Variants in PINX1 observed in about 807,000 individuals in gnomAD.
The protein encoded by PINX1 is PIN2 (TERF1) interacting telomerase inhibitor 1.
PINX1 carries 34 observed loss-of-function variants against 25.4 expected under a neutral mutation model. The ratio of observed to expected loss-of-function variants is 1.34; its 90% confidence interval spans 1.02 to 1.78. PINX1 has a LOEUF of 1.78. Ranked by LOEUF, PINX1 falls within the 40% of genes most tolerant of loss-of-function variation. The pLI is 0.00. For synonymous variants in PINX1, 197 were observed against 147.7 expected, an observed-to-expected ratio of 1.33 and a Z score of -2.42; for missense variants, 592 against 404.9, an observed-to-expected ratio of 1.46 and a Z score of -3.97.
At chr8:10,791,590 GC>G (rs1473071881) in intron 6 of PINX1, among the ~76,000 whole-genome samples, 16 of 152,164 alleles carry the variant, frequency 1.1e-4, no homozygotes, top group African/African-American at 3.9e-4. Context: ...TAGAATTTAG[GC>G]TTCAGTGCAA....
chr8:10,833,952 G>C (rs1423367829), intron 2 of PINX1, among the ~76,000 whole-genome samples: 2 of 152,164 alleles, frequency 1.3e-5, no homozygotes, highest in Non-Finnish European at 2.9e-5. Flanking sequence ...TACTCAAGTG[G>C]AAATATCAAG....
chr8:10,766,440 C>A (rs1466226552), intron 6 of PINX1, among the ~76,000 whole-genome samples: 2 of 152,214 alleles, frequency 1.3e-5, no homozygotes, highest in East Asian at 1.9e-4. Flanking sequence ...CCGCATTCCA[C>A]CCTGGAACCT....
intron 5 of PINX1, chr8:10,821,852 G>A (rs546301616): frequency 6.6e-6 from 1 of 152,308 alleles, no homozygotes; most frequent in African/African-American, 2.4e-5. Flanking sequence ...TTGACTAAAA[G>A]GAATGCTGGA....
rs563563223 is a variant in PINX1, at chr8:10,795,470, G to A, written c.471+24723C>T. ...GGCTGGAGTGCGGTGGCGCGATCTC[G>A]GCTCAGTGCAATCTCCGCCTCCCGG... On this transcript the variant is annotated intron_variant, in intron 6 of 6. Coordinates refer to ENST00000314787, the MANE Select transcript of PINX1 (RefSeq NM_017884.6). 3.1e-4 allele frequency among the ~76,000 whole-genome samples: 47 copies of A among 152,236 alleles called. No individual in the cohort carries two copies. In the East Asian group the frequency reaches 7.3e-3, roughly 24 times the overall value.
intron 6 of PINX1, among the ~76,000 whole-genome samples, chr8:10,804,068 T>C (rs1159470230): frequency 6.6e-6 from 1 of 152,170 alleles, no homozygotes; most frequent in African/African-American, 2.4e-5. Flanking sequence ...CCAGGGCCTA[T>C]GAAAGTACAA....
At chr8:10,832,753 C>T (rs1290598464) in intron 3 of PINX1, 139 bp downstream of exon 3, 7 of 540,582 alleles carry the variant, frequency 1.3e-5, no homozygotes, top group Non-Finnish European at 2.4e-5. Flanking sequence ...GCATTCAAAG[C>T]GTCAGTGTTC....
rs2129069471 is a variant in PINX1 at position 10,765,080 on chromosome 8, A to G, written c.*321T>C. The G allele has an allele frequency of 3.6e-6, 1 of 279,012 alleles. No individual in the cohort carries two copies. Among genetic ancestry groups the G allele is most frequent in the Non-Finnish European group, 6.7e-6 (1 of 149,852 alleles). 17.3% of individuals were successfully genotyped at this position (279,012 alleles called of 1,614,324 possible). ...CACACACACACACACACAGATGCGC[A>G]CATGCACACACACGTGTGCACACTT... On this transcript the variant is annotated 3_prime_UTR_variant, in exon 7 of 7. Transcript: ENST00000314787.
At chr8:10,819,183 T>A (rs930470600) in intron 6 of PINX1, among the ~76,000 whole-genome samples, 1 of 152,234 alleles carries the variant, frequency 6.6e-6, no homozygotes, top group Non-Finnish European at 1.5e-5. Context: ...ACCCAGGAAT[T>A]CAGTCCCAAT....
chr8:10,826,243 A>T lies in PINX1; in HGVS notation c.303T>A (p.Asp101Glu). ...ATTTCTTTTCCTTCTTGTCCGAGGA[A>T]TCTTTAAAAAAGATGAAAAAAATAC... is the stretch of plus-strand genomic sequence containing the variant. The part of the protein sequence containing the change: ...LNTCHGQETT[D>E]SSDKKEKKSF... The change falls in exon 5 of 7, where the codon GAT (aspartate) becomes GAA (glutamate). Residue 101 changes from aspartate to glutamate, a missense_variant and splice_region_variant. By Grantham distance (45) the Asp-to-Glu change is conservative. Transcript: ENST00000314787. 6.5e-7 allele frequency: 1 copy of T among 1,532,840 alleles called. No homozygotes were observed. Among genetic ancestry groups the T allele is most frequent in the Non-Finnish European group, 9.0e-7 (1 of 1,117,208 alleles). 95.0% of individuals were successfully genotyped at this position (1,532,840 alleles called of 1,614,324 possible).
At chr8:10,808,508 T>G (rs1308679430) in intron 6 of PINX1, among the ~76,000 whole-genome samples, 5 of 152,238 alleles carry the variant, frequency 3.3e-5, no homozygotes, top group Admixed American at 1.3e-4. Flanking sequence ...ATTGTTCAAA[T>G]GCTTAATGTG....
chr8:10,767,270 G>A (rs1432297458), intron 6 of PINX1, among the ~76,000 whole-genome samples: 1 of 152,092 alleles, frequency 6.6e-6, no homozygotes, highest in Non-Finnish European at 1.5e-5. Flanking sequence ...TCGACACAGT[G>A]GTCCTCAAAA....
At position 10,807,189 on chromosome 8, in the gene PINX1, C is replaced by T. The variant is rs992802853; in HGVS notation, c.471+13004G>A. ...AGGCCAAGGAACATACGGTTGTATCCGTGAGACAAGAACAGGACATTATTA... is the reference window on the plus strand; with the variant it reads ...AGGCCAAGGAACATACGGTTGTATCTGTGAGACAAGAACAGGACATTATTA... On this transcript the variant is annotated intron_variant, in intron 6 of 6. Transcript: ENST00000314787. Among the ~76,000 whole-genome samples the T allele has an allele frequency of 2.0e-5, 3 of 151,986 alleles. No homozygotes were observed. In the East Asian group the frequency reaches 5.8e-4, roughly 29 times the overall value.
At chr8:10,780,331 G>C (rs772405473) in intron 6 of PINX1, among the ~76,000 whole-genome samples, 6 of 152,176 alleles carry the variant, frequency 3.9e-5, no homozygotes, top group Non-Finnish European at 8.8e-5. Flanking sequence ...CCCCCCATCA[G>C]TTATGACACT....
chr8:10,795,260 T>G (rs1291975688), intron 6 of PINX1, among the ~76,000 whole-genome samples: 1 of 152,228 alleles, frequency 6.6e-6, no homozygotes, highest in Non-Finnish European at 1.5e-5. Flanking sequence ...GCAATGTCTT[T>G]GACCTGGCTA....
At chr8:10,773,077 C>T (rs1282101099) in intron 6 of PINX1, among the ~76,000 whole-genome samples, 1 of 152,140 alleles carries the variant, frequency 6.6e-6, no homozygotes, top group Non-Finnish European at 1.5e-5. Context: ...TTTTCTTTCT[C>T]ATTATACAAG....
intron 6 of PINX1, among the ~76,000 whole-genome samples, chr8:10,776,684 C>G (rs919368145): frequency 6.6e-6 from 1 of 152,094 alleles, no homozygotes; most frequent in African/African-American, 2.4e-5. Context: ...GCCCACTCTT[C>G]CAGCTCTGCG....
rs144050133 is a variant in PINX1 at position 10,805,352 on chromosome 8, G to A, written c.471+14841C>T. On this transcript the variant is annotated intron_variant, in intron 6 of 6. Transcript: ENST00000314787. ...TTTCTGCAACCCACCCCATGTTTCA[G>A]TAAGATAAGTTAGGAATGGCATATT... Among the ~76,000 whole-genome samples, 698 of 152,366 alleles carry A rather than the reference G, an allele frequency of 4.6e-3. 9 individuals are homozygous for A. Among genetic ancestry groups the A allele is most frequent in the Middle Eastern group, 0.024 (7 of 294 alleles).
At chr8:10,774,058 G>T (rs1801312418) in intron 6 of PINX1, among the ~76,000 whole-genome samples, 1 of 152,164 alleles carries the variant, frequency 6.6e-6, no homozygotes, top group African/African-American at 2.4e-5. Flanking sequence ...TCCAGAGGCA[G>T]GACAAACAGC....
intron 5 of PINX1, among the ~76,000 whole-genome samples, chr8:10,821,705 C>A (rs1054686466): frequency 1.3e-5 from 2 of 152,158 alleles, no homozygotes; most frequent in African/African-American, 4.8e-5. Context: ...ACCCATTTTC[C>A]AATGCAAAGC....
Sources: allele counts gnomAD v4.1 joint callset (sites outside exome capture counted in the v4.1 genomes callset), GRCh38; gene constraint gnomAD v4.1.1; transcripts MANE v1.5; gene names NCBI Gene and HGNC (gene_info 2026-07-23, HGNC 2026-07-21).